SLC28A3: variants seen among roughly 807,000 people sequenced by gnomAD.
SLC28A3 encodes concentrative Na(+)-nucleoside cotransporter 3.
SLC28A3 carries 68 observed loss-of-function variants against 84.2 expected under a neutral mutation model. That is an observed-to-expected ratio of 0.81 (90% CI 0.66 to 0.99). The LOEUF is 0.99. Ranked by LOEUF, SLC28A3 falls within the 50% of genes least tolerant of loss-of-function variation. SLC28A3 has a pLI of 0.00. For missense variants in SLC28A3, 712 were observed against 841.5 expected, an observed-to-expected ratio of 0.85 and a Z score of 1.90; for synonymous variants, 267 against 303.6, an observed-to-expected ratio of 0.88 and a Z score of 1.25.
At chr9:84,286,135 A>G (rs1159760437) in intron 12 of SLC28A3, 24 bp from the exon 13 acceptor site, 3 of 1,609,480 alleles carry the variant, frequency 1.9e-6, no homozygotes, top group African/African-American at 2.7e-5. Flanking sequence ...TAGCAATTCC[A>G]GAATTACCAA....
intron 2 of SLC28A3, among the ~76,000 whole-genome samples, chr9:84,312,542 C>CTTTTT (rs35691184): frequency 1.5e-5 from 2 of 134,376 alleles, no homozygotes; most frequent in East Asian, 2.1e-4. Context: ...CCCCAAATTC[C>CTTTTT]TTTTTTTTTT....
At chr9:84,341,287 T>C (rs1440199016), upstream of SLC28A3, among the ~76,000 whole-genome samples, 1 of 152,116 alleles carries the variant, frequency 6.6e-6, no homozygotes, top group African/African-American at 2.4e-5. Context: ...GGACACGTTC[T>C]CTATAGTGCT....
chr9:84,331,231 T>G (rs1454234683), intron 1 of SLC28A3, among the ~76,000 whole-genome samples: 3 of 152,164 alleles, frequency 2.0e-5, no homozygotes, highest in Admixed American at 2.0e-4. Context: ...TATTGTCATG[T>G]GTTTTTGTGT....
At chr9:84,312,362 TA>T (rs35323483) in intron 2 of SLC28A3, among the ~76,000 whole-genome samples, 2 of 152,166 alleles carry the variant, frequency 1.3e-5, no homozygotes, top group African/African-American at 4.8e-5. Flanking sequence ...ATGTTTGCAT[TA>T]AAAAAGGCTG....
chr9:84,357,184 A>C, the SLC28A3 span, among the ~76,000 whole-genome samples: 8 of 152,198 alleles, frequency 5.3e-5, no homozygotes, highest in African/African-American at 1.9e-4. Flanking sequence ...ATATCAGTTT[A>C]ATTGTTCAAA....
chr9:84,365,586 C>T, the SLC28A3 span, among the ~76,000 whole-genome samples: 9 of 152,062 alleles, frequency 5.9e-5, no homozygotes, highest in African/African-American at 1.9e-4. Flanking sequence ...ATAACAATGT[C>T]CTGGAGATTT....
rs1564174559 is a variant in SLC28A3, at chr9:84,326,672, CAA to C, written c.61-13220_61-13219del. On this transcript the variant is annotated intron_variant, in intron 1 of 17. Coordinates refer to ENST00000376238, the MANE Select transcript of SLC28A3 (RefSeq NM_001199633.2). ...ACAACAACAACAACAACAACAACAA[CAA>C]CAACAACAACCAGGTCTTACTCTCT... Among the ~76,000 whole-genome samples, 138 of 135,718 alleles carry C rather than the reference CAA, an allele frequency of 1.0e-3. 1 individual carries two copies. Among genetic ancestry groups the C allele is most frequent in the African/African-American group, 3.6e-3 (135 of 37,916 alleles). The allele number at this position is 135,718 out of a possible 152,430, so 89.0% of individuals were successfully genotyped here. A position where few individuals can be genotyped will look rare whatever the true frequency, so the allele number is the denominator to read the frequency against.
intron 1 of SLC28A3, among the ~76,000 whole-genome samples, chr9:84,314,897 T>C (rs951301460): frequency 2.0e-5 from 3 of 152,078 alleles, no homozygotes; most frequent in Admixed American, 6.5e-5. Flanking sequence ...GCTAACATGG[T>C]GAAACCCCGT....
Position 84,278,285 on chromosome 9 carries a change from A to C in SLC28A3, c.2009T>G (p.Leu670Trp). ...IPGGNHSLYS[L>W]KGCCTLLNPS... ...ATTCAACAATGTGCAGCAGCCCTTC[A>C]AAGAATACAGACTGTGGTTTCCTCC... Residue 670 changes from leucine to tryptophan, a missense_variant, in exon 18 of 18, where the codon TTG becomes TGG. Leu to Trp is a moderately conservative substitution (Grantham distance 61). Coordinates refer to ENST00000376238, the MANE Select transcript of SLC28A3 (RefSeq NM_001199633.2). 1 of 1,614,206 alleles carries C rather than the reference A, an allele frequency of 6.2e-7. No homozygotes were observed. The highest frequency in any genetic ancestry group is 1.1e-5 in the South Asian group (1 of 91,072).
intron 11 of SLC28A3, among the ~76,000 whole-genome samples, 183 bp from the exon 12 acceptor site, chr9:84,288,361 C>T (rs888555690): frequency 2.6e-5 from 4 of 152,160 alleles, no homozygotes; most frequent in African/African-American, 9.7e-5. Flanking sequence ...CGGGCATCAC[C>T]TTGAGAGGCT....
At chr9:84,342,315 C>T (rs190265923), upstream of SLC28A3, among the ~76,000 whole-genome samples, 113 of 150,718 alleles carry the variant, frequency 7.5e-4, 1 homozygote, top group Admixed American at 3.2e-3. Context: ...AAGGAAAAAA[C>T]GGAGACAAAC....
intron 7 of SLC28A3, 88 bp from the exon 8 acceptor site, chr9:84,297,386 G>C: frequency 9.6e-7 from 1 of 1,038,998 alleles, no homozygotes; most frequent in Non-Finnish European, 1.4e-6. Flanking sequence ...CTCAGAGGAC[G>C]GACCCAGCAA....
At chr9:84,332,240 TG>T (rs1826816368) in intron 1 of SLC28A3, among the ~76,000 whole-genome samples, 3 of 152,310 alleles carry the variant, frequency 2.0e-5, no homozygotes, top group Admixed American at 2.0e-4. Context: ...CCTCTAAATC[TG>T]GTAACTACTT....
the SLC28A3 span, among the ~76,000 whole-genome samples, chr9:84,359,484 T>A: frequency 6.6e-6 from 1 of 152,146 alleles, no homozygotes; most frequent in African/African-American, 2.4e-5. Flanking sequence ...GGCACATCTG[T>A]AAGAACTGAC....
Position 84,297,923 on chromosome 9 carries a change from A to C in SLC28A3, c.766T>G (p.Leu256Val). Residue 256 changes from leucine (L) to valine (V), a missense_variant, in exon 7 of 18, where the codon TTG (leucine) becomes GTG (valine). Transcript: ENST00000376238. ...AAACTTACCTGAACTTGTCTGCCCA[A>C]CCAATCAAAAGCTATAAATCCAGGG... ...TDPGFIAFDW[L>V]GRQVQTFLEY... The C allele has an allele frequency of 6.2e-7, 1 of 1,603,910 alleles. No individual in the cohort carries two copies. The highest frequency in any genetic ancestry group is 1.1e-5 in the South Asian group (1 of 88,472).
At chr9:84,349,952 G>A in the SLC28A3 span, among the ~76,000 whole-genome samples, 1 of 152,152 alleles carries the variant, frequency 6.6e-6, no homozygotes, top group Admixed American at 6.5e-5. Flanking sequence ...TTTTCATCAT[G>A]CAAACATCAC....
rs59921181 is a variant in SLC28A3, at chr9:84,315,494, C to CTG, written c.61-2041_61-2040insCA. On this transcript the variant is annotated intron_variant, in intron 1 of 17. Transcript: ENST00000376238. Reference sequence around the variant, plus strand: ...GGATCTGAAAACTACTGGTGGAACACGGGTGGATCCTACGTTTTTAAAGTT... The same window carrying CTG: ...GGATCTGAAAACTACTGGTGGAACACTGGGGTGGATCCTACGTTTTTAAAGTT... Among the ~76,000 whole-genome samples the CTG allele has an allele frequency of 9.2e-3, 1,399 of 152,020 alleles. 26 individuals carry two copies. Among genetic ancestry groups the CTG allele is most frequent in the African/African-American group, 0.033 (1,355 of 41,438 alleles).
In SLC28A3 at chr9:84,302,302, A is replaced by G. The variant is rs763868585; in HGVS notation, c.422T>C (p.Phe141Ser). Reference protein sequence around the residue: ...LFVITVAAIFFVVWDHLMAKY... With the variant: ...LFVITVAAIFSVVWDHLMAKY... ...GGCCATCAGGTGATCCCAGACAACA[A>G]AGAAGATGGCAGCCACGGTGATCAC... The change falls in exon 5 of 18, where the codon TTT (phenylalanine) becomes TCT (serine). Residue 141 changes from phenylalanine to serine, a missense_variant. Coordinates refer to ENST00000376238, the MANE Select transcript of SLC28A3 (RefSeq NM_001199633.2). The G allele has an allele frequency of 8.1e-6, 13 of 1,614,194 alleles. No individual in the cohort carries two copies. Among genetic ancestry groups the G allele is most frequent in the Admixed American group, 5.0e-5 (3 of 60,028 alleles).
At chr9:84,320,053 T>TTG (rs1564170460) in intron 1 of SLC28A3, among the ~76,000 whole-genome samples, 5 of 132,304 alleles carry the variant, frequency 3.8e-5, no homozygotes, top group Admixed American at 7.5e-5. Context: ...TTTTTTTTTT[T>TTG]TTTTTTTTTT....
Sources: gnomAD v4.1 joint callset for allele counts (sites outside exome capture counted in the v4.1 genomes callset) on GRCh38, gnomAD v4.1.1 for gene constraint, MANE v1.5 for transcripts, NCBI Gene and HGNC (gene_info 2026-07-23, HGNC 2026-07-21) for gene names.